IQSEC3: variants seen among roughly 807,000 people sequenced by gnomAD.
The protein encoded by IQSEC3 is IQ motif and SEC7 domain-containing protein 3.
A neutral mutation model predicts 105.4 loss-of-function variants in IQSEC3; 50 were observed. The ratio of observed to expected loss-of-function variants is 0.47; its 90% CI spans 0.38 to 0.60. The LOEUF (loss-of-function observed/expected upper bound fraction) is 0.60. Ranked by LOEUF, IQSEC3 falls within the 20% of genes least tolerant of loss-of-function variation. The pLI, the probability that IQSEC3 is intolerant of heterozygous loss-of-function variation, is 0.00. For missense variants in IQSEC3, 1,415 were observed against 1,630.0 expected (o/e 0.87, Z 2.27); for synonymous variants, 708 against 746.0 (o/e 0.95, Z 0.83).
intron 2 of IQSEC3, among the ~76,000 whole-genome samples, chr12:106,192 G>T (rs372409209): frequency 1.3e-5 from 2 of 152,182 alleles, no homozygotes; most frequent in African/African-American, 2.4e-5. Flanking sequence ...CAGAGACAAC[G>T]AATGCCTTGA....
intron 1 of IQSEC3, among the ~76,000 whole-genome samples, chr12:76,523 G>A (rs1460601540): frequency 1.9e-4 from 29 of 152,276 alleles, no homozygotes; most frequent in Admixed American, 8.5e-4. Flanking sequence ...GCCTGGTCAC[G>A]CCATCAGCAC....
chr12:159,276 G>A (rs112211342), intron 7 of IQSEC3, among the ~76,000 whole-genome samples: 8 of 152,284 alleles, frequency 5.3e-5, no homozygotes, highest in South Asian at 2.1e-4. Context: ...GAGGTGGTGC[G>A]GGAGAGTCAT....
At chr12:171,194 C>T (rs1466993958) in intron 13 of IQSEC3, 33 bp downstream of exon 13, 9 of 1,614,044 alleles carry the variant, frequency 5.6e-6, no homozygotes, top group Non-Finnish European at 6.8e-6. Flanking sequence ...AGGTGAGTGA[C>T]TACCCTGCCC....
intron 5 of IQSEC3, among the ~76,000 whole-genome samples, chr12:154,553 C>T (rs1555093601): frequency 1.3e-5 from 2 of 152,138 alleles, no homozygotes. Context: ...TCAGAGGGAC[C>T]AAGGGCCGTT....
At chr12:128,613 C>G (rs1465932744) in intron 3 of IQSEC3, among the ~76,000 whole-genome samples, 1 of 152,122 alleles carries the variant, frequency 6.6e-6, no homozygotes, top group Admixed American at 6.5e-5. Context: ...TGGCTGTTCT[C>G]CTTCCTTCGC....
chr12:126,398 C>T (rs1555083512), intron 3 of IQSEC3, among the ~76,000 whole-genome samples: 1 of 152,246 alleles, frequency 6.6e-6, no homozygotes, highest in Admixed American at 6.5e-5. Flanking sequence ...GTCCAAAGCT[C>T]CTCTATTGGA....
chr12:110,344 T>C (rs1864839579), intron 2 of IQSEC3, among the ~76,000 whole-genome samples: 1 of 152,016 alleles, frequency 6.6e-6, no homozygotes, highest in East Asian at 1.9e-4. Context: ...TACTGGGTGC[T>C]CTGGACCTAA....
chr12:99,225 T>C lies in IQSEC3; in HGVS notation c.623+11T>C, dbSNP rs1864340687. 1 of 1,597,138 alleles carries C rather than the reference T, an allele frequency of 6.3e-7. No individual in the cohort carries two copies. The highest frequency in any genetic ancestry group is 1.1e-5 in the South Asian group (1 of 90,540). ...CCTGGCCTCCCAAAGGTGGGAACTGTGGCCCTTCCTCCCTTCCGCATCCCC... is the reference window on the plus strand; with the variant it reads ...CCTGGCCTCCCAAAGGTGGGAACTGCGGCCCTTCCTCCCTTCCGCATCCCC... On this transcript the variant is annotated intron_variant, in intron 2 of 13. Coordinates refer to ENST00000538872, the MANE Select transcript of IQSEC3 (RefSeq NM_001170738.2).
intron 8 of IQSEC3, among the ~76,000 whole-genome samples, chr12:163,015 G>T (rs369092875): frequency 1.3e-5 from 2 of 152,012 alleles, no homozygotes; most frequent in Non-Finnish European, 2.9e-5. Flanking sequence ...TTCTCTGGCC[G>T]TGCTCCCCAA....
At chr12:137,311 C>T (rs1029953286) in intron 3 of IQSEC3, 1 of 152,090 alleles carries the variant, frequency 6.6e-6, no homozygotes, top group Non-Finnish European at 1.5e-5. Flanking sequence ...CAGGGAAGCA[C>T]GAGGAGCTGT....
intron 2 of IQSEC3, among the ~76,000 whole-genome samples, chr12:104,922 T>G (rs1474728949): frequency 1.3e-5 from 2 of 152,252 alleles, no homozygotes; most frequent in Non-Finnish European, 2.9e-5. Context: ...GTCGATACAG[T>G]TACGTCTTCA....
At position 175,110 on chromosome 12, in the gene IQSEC3, AC is replaced by A. The variant is rs1939199460; in HGVS notation, c.*80del. On this transcript the variant is annotated 3_prime_UTR_variant, in exon 14 of 14. Transcript: ENST00000538872. The stretch of plus-strand genomic sequence containing the variant: ...GGGCTGCCCCTCCACTGCTCCCCAT[AC>A]CCTGGCACGATGCGTTCCTGGTCAC... 2 of 1,115,584 alleles carry A rather than the reference AC, an allele frequency of 1.8e-6. No individual in the cohort carries two copies. Among genetic ancestry groups the A allele is most frequent in the East Asian group, 5.2e-5 (2 of 38,312 alleles). 69.1% of individuals were successfully genotyped at this position (1,115,584 alleles called of 1,614,324 possible). A position where few individuals can be genotyped will look rare whatever the true frequency, so the allele number is the denominator to read the frequency against.
chr12:142,319 T>C (rs1451198637), intron 5 of IQSEC3: 1 of 152,290 alleles, frequency 6.6e-6, no homozygotes, highest in Non-Finnish European at 1.5e-5. Context: ...CTTCTATTTA[T>C]GGAGCTGTCT....
intron 5 of IQSEC3, among the ~76,000 whole-genome samples, chr12:154,197 A>G (rs1217985725): frequency 6.6e-6 from 1 of 152,104 alleles, no homozygotes; most frequent in Non-Finnish European, 1.5e-5. Context: ...TCAGCTCACT[A>G]CCGGGGCTTT....
In IQSEC3 at chr12:138,773, C is replaced by T; in HGVS notation, c.1410C>T (p.Thr470=). ...GGCCCGGGGATGACGCCGCGGAGAC[C>T]CCCGGCCTGCCCCCGGCCCACAGCG... ...GPGPGDDAAE[T]PGLPPAHSGT... is the part of the protein sequence containing the mutation. Residue 470 remains threonine, a synonymous_variant, in exon 4 of 14, where the codon ACC becomes ACT. Coordinates refer to ENST00000538872, the MANE Select transcript of IQSEC3 (RefSeq NM_001170738.2). This position sits in a 1 kb window ranked among gnomAD's most constrained non-coding sequence, Gnocchi z 7.1. 1.3e-6 allele frequency: 2 copies of T among 1,594,214 alleles called. No individual in the cohort carries two copies. The highest frequency in any genetic ancestry group is 1.7e-6 in the Non-Finnish European group (2 of 1,174,258).
chr12:163,384 C>CTGGACCCCTCCCCTGTCCCCTCACAGAA, intron 8 of IQSEC3, 110 bp from the exon 9 acceptor site: 1 of 1,040,206 alleles, frequency 9.6e-7, no homozygotes, highest in Non-Finnish European at 1.3e-6. Flanking sequence ...CTCCACAGAA[C>CTGGACCCCTCCCCTGTCCCCTCACAGAA]CGGGCCCCTC....
intron 1 of IQSEC3, among the ~76,000 whole-genome samples, chr12:93,632 C>T (rs1864160090): frequency 1.3e-5 from 2 of 152,236 alleles, no homozygotes; most frequent in Non-Finnish European, 2.9e-5. Context: ...TTTCCAGCTA[C>T]AACCAAACAG....
chr12:128,708 C>T (rs945897207), intron 3 of IQSEC3, among the ~76,000 whole-genome samples: 1 of 152,164 alleles, frequency 6.6e-6, no homozygotes, highest in East Asian at 1.9e-4. Flanking sequence ...AGTGCCCCTG[C>T]CCCAGGAGGC....
At chr12:143,846 TG>T (rs1555090122) in intron 5 of IQSEC3, 6 of 158,550 alleles carry the variant, frequency 3.8e-5, no homozygotes, top group Non-Finnish European at 5.5e-5. Flanking sequence ...TGTGTGTGTG[TG>T]TGTGTGTGTG....
Sources: gnomAD v4.1 joint callset for allele counts (sites outside exome capture counted in the v4.1 genomes callset) on GRCh38, gnomAD v4.1.1 for gene constraint, Gnocchi (gnomAD v3.1) non-coding constraint, MANE v1.5 for transcripts, NCBI Gene and HGNC (gene_info 2026-07-23, HGNC 2026-07-21) for gene names.